ARSG: variants seen among roughly 807,000 people sequenced by gnomAD.
The protein encoded by ARSG is arylsulfatase G, also known as ASG.
A neutral mutation model predicts 50.5 loss-of-function variants in ARSG; 37 were observed. The observed-to-expected ratio is 0.73, with a 90% CI of 0.56 to 0.96. ARSG has a LOEUF of 0.96. Among genes scored for constraint, ARSG ranks in the 50% least tolerant of loss-of-function variants. ARSG has a pLI of 0.00. For synonymous variants in ARSG, 225 were observed against 254.6 expected, an observed-to-expected ratio of 0.88 and a Z score of 1.11; for missense variants, 629 against 675.3, an observed-to-expected ratio of 0.93 and a Z score of 0.76.
chr17:68,428,265 CTG>C, the ARSG span: 1 of 151,052 alleles, frequency 6.6e-6, no homozygotes, highest in African/African-American at 2.5e-5. Context: ...GGGTCTCACT[CTG>C]TTGTCCAGGC....
In ARSG at chr17:68,307,699, C is replaced by T. The variant is rs1369350242; in HGVS notation, c.206C>T (p.Ser69Leu). 6 of 1,575,390 alleles carry T rather than the reference C, an allele frequency of 3.8e-6. No homozygotes were observed. Among genetic ancestry groups the T allele is most frequent in the Middle Eastern group, 1.8e-4 (1 of 5,590 alleles). The part of the protein sequence containing the change: ...KDTANLDKMA[S>L]EGMRFVDFHA... ...ACTGCCAACCTTGATAAGATGGCTTCGGAGGGAATGAGGTGAGTCTTGAGA... is the reference window on the plus strand; with the variant it reads ...ACTGCCAACCTTGATAAGATGGCTTTGGAGGGAATGAGGTGAGTCTTGAGA... Residue 69 changes from serine (S) to leucine (L), a missense_variant, in exon 2 of 12, where the codon TCG becomes TTG. Physicochemically the swap from Ser to Leu is moderately radical, Grantham distance 145 (BLOSUM62 -2). Coordinates refer to ENST00000621439, the MANE Select transcript of ARSG (RefSeq NM_001267727.2).
chr17:68,271,544 T>C lies in ARSG; in HGVS notation c.-552+12118T>C, dbSNP rs782655449. 2.5e-5 allele frequency: 41 copies of C among 1,614,110 alleles called. 2 individuals carry two copies. In the South Asian group the frequency reaches 3.6e-4, roughly 14 times the overall value. On this transcript the variant is annotated intron_variant, in intron 1 of 11. Coordinates refer to the ARSG transcript ENST00000448504. This position sits in a 1 kb window ranked among gnomAD's most constrained non-coding sequence, Gnocchi z 5.3. ...ACTATTTTCGGTGACGCTGGTCCTC[T>C]GATAAAGATGGGTCTGAGCAGTGCT... is the stretch of plus-strand genomic sequence containing the variant.
At chr17:68,426,971 T>A (rs2083234790), downstream of ARSG, among the ~76,000 whole-genome samples, 1 of 151,674 alleles carries the variant, frequency 6.6e-6, no homozygotes, top group Admixed American at 6.6e-5. Flanking sequence ...AAATAAAAAA[T>A]TCAAGGAGAG....
At chr17:68,298,594 C>CAAAAAAAAA (rs562725952) in intron 1 of ARSG, among the ~76,000 whole-genome samples, 1 of 64,850 alleles carries the variant, frequency 1.5e-5, no homozygotes, top group Non-Finnish European at 2.9e-5. Flanking sequence ...GATCCTGTCT[C>CAAAAAAAAA]AAAAAAAAAA....
At chr17:68,443,013 C>T in the ARSG span, among the ~76,000 whole-genome samples, 4 of 152,330 alleles carry the variant, frequency 2.6e-5, no homozygotes, top group African/African-American at 7.2e-5. Context: ...CTTCACGTAC[C>T]GTCTTCCATT....
chr17:68,348,394 T>A (rs2078608887), intron 4 of ARSG, among the ~76,000 whole-genome samples: 1 of 152,098 alleles, frequency 6.6e-6, no homozygotes, highest in African/African-American at 2.4e-5. Flanking sequence ...CCATGATGGA[T>A]CTGGTGTCTC....
At chr17:68,358,954 G>A (rs1040186704) in intron 6 of ARSG, among the ~76,000 whole-genome samples, 7 of 152,140 alleles carry the variant, frequency 4.6e-5, no homozygotes, top group Non-Finnish European at 1.5e-5. Flanking sequence ...ACGAGGTCAG[G>A]AGATCGAGAC....
At chr17:68,300,886 A>G (rs2076388672) in intron 1 of ARSG, among the ~76,000 whole-genome samples, 1 of 151,878 alleles carries the variant, frequency 6.6e-6, no homozygotes, top group African/African-American at 2.4e-5. Flanking sequence ...TGGGAGGCCA[A>G]GGTGGGTAGA....
intron 1 of ARSG, chr17:68,285,553 C>T (rs2075822171): frequency 6.6e-6 from 1 of 152,306 alleles, no homozygotes; most frequent in Non-Finnish European, 1.5e-5. Flanking sequence ...ACCTGTGCTT[C>T]CAGCTACTCG....
the ARSG span, chr17:68,444,645 C>G: frequency 9.3e-6 from 13 of 1,399,924 alleles, no homozygotes; most frequent in Admixed American, 1.0e-4. Context: ...AGACCCTGAC[C>G]AAATCCAAAT....
chr17:68,351,127 C>T (rs2078742523), intron 4 of ARSG, among the ~76,000 whole-genome samples: 1 of 151,980 alleles, frequency 6.6e-6, no homozygotes, highest in East Asian at 1.9e-4. Context: ...ATTTTCTCCT[C>T]ACATGAAAAG....
In ARSG at chr17:68,405,710, G is replaced by A. The variant is rs114699928; in HGVS notation, c.1303+4260G>A. On this transcript the variant is annotated intron_variant, in intron 11 of 11. Coordinates refer to ENST00000621439, the MANE Select transcript of ARSG (RefSeq NM_001267727.2). ...CTCTGGCTGGAATGTCCAGTACTAT[G>A]TGGAACAGAAATGGCAAAAATGGCA... is the stretch of plus-strand genomic sequence containing the variant. 8.4e-3 allele frequency among the ~76,000 whole-genome samples: 1,280 copies of A among 152,144 alleles called. 22 individuals are homozygous for A. The highest frequency in any genetic ancestry group is 0.029 in the African/African-American group (1,214 of 41,480).
intron 2 of ARSG, among the ~76,000 whole-genome samples, chr17:68,313,263 AAAAAACAAAAAT>A (rs2145709125): frequency 6.6e-6 from 1 of 152,280 alleles, no homozygotes; most frequent in African/African-American, 2.4e-5. Context: ...TCCATCTCAA[AAAAAACAAAAAT>A]AAAAACAAAA....
At chr17:68,362,155 G>A (rs1283867590) in intron 6 of ARSG, among the ~76,000 whole-genome samples, 5 of 151,946 alleles carry the variant, frequency 3.3e-5, no homozygotes, top group Middle Eastern at 3.2e-3. Context: ...AGAATTCTCC[G>A]TTTTCCTTGA....
the ARSG span, among the ~76,000 whole-genome samples, chr17:68,438,420 G>A: frequency 6.6e-6 from 1 of 152,320 alleles, no homozygotes; most frequent in African/African-American, 2.4e-5. Flanking sequence ...TTCTAGTCTT[G>A]TGAAACTGGG....
At chr17:68,298,594 CAAAAAAAA>C (rs562725952) in intron 1 of ARSG, among the ~76,000 whole-genome samples, 1 of 64,852 alleles carries the variant, frequency 1.5e-5, no homozygotes, top group African/African-American at 6.2e-5. Context: ...GATCCTGTCT[CAAAAAAAA>C]AAAAAAAAAA....
At chr17:68,425,024 G>A (rs1472602906), downstream of ARSG, among the ~76,000 whole-genome samples, 1 of 152,208 alleles carries the variant, frequency 6.6e-6, no homozygotes, top group Non-Finnish European at 1.5e-5. Flanking sequence ...AGCCCCAGCA[G>A]GCTCTCAGGA....
At chr17:68,435,632 A>G in the ARSG span, 4 of 1,614,130 alleles carry the variant, frequency 2.5e-6, no homozygotes, top group East Asian at 2.2e-5. Context: ...TTTCAGACGC[A>G]CTTGCTAGTT....
intron 8 of ARSG, among the ~76,000 whole-genome samples, chr17:68,374,867 A>G (rs1457309329): frequency 1.3e-5 from 2 of 151,610 alleles, no homozygotes; most frequent in Non-Finnish European, 2.9e-5. Flanking sequence ...AAAAAAAAGA[A>G]AAGAGAAAGA....
Sources: allele counts gnomAD v4.1 joint callset (sites outside exome capture counted in the v4.1 genomes callset), GRCh38; gene constraint gnomAD v4.1.1; non-coding constraint Gnocchi (gnomAD v3.1); transcripts MANE v1.5; gene names NCBI Gene and HGNC (gene_info 2026-07-23, HGNC 2026-07-21).